SLC25A26: variants seen among roughly 807,000 people sequenced by gnomAD.
SLC25A26 encodes mitochondrial S-adenosylmethionine carrier protein.
A neutral mutation model predicts 37.8 loss-of-function variants in SLC25A26; 36 were observed. The ratio of observed to expected loss-of-function variants is 0.95; its 90% confidence interval spans 0.73 to 1.26. The LOEUF is 1.26. SLC25A26 is among the 50% of genes most tolerant of loss of function. SLC25A26 has a pLI of 0.00. For missense variants in SLC25A26, 390 were observed against 331.1 expected, an observed-to-expected ratio of 1.18 and a Z score of -1.38; for synonymous variants, 129 against 122.5, an observed-to-expected ratio of 1.05 and a Z score of -0.35.
intron 5 of SLC25A26, among the ~76,000 whole-genome samples, chr3:66,337,882 A>G (rs191826407): frequency 1.6e-3 from 248 of 152,110 alleles, no homozygotes; most frequent in Non-Finnish European, 2.6e-3. Context: ...CTTGACTACT[A>G]TTATATTTTT....
intron 1 of SLC25A26, among the ~76,000 whole-genome samples, chr3:66,136,364 A>G (rs2069947063): frequency 6.6e-6 from 1 of 152,240 alleles, no homozygotes; most frequent in Admixed American, 6.5e-5. Flanking sequence ...CCTAAGATAC[A>G]CAAATGGCCA....
intron 1 of SLC25A26, among the ~76,000 whole-genome samples, chr3:66,179,398 A>T (rs1259889544): frequency 6.6e-6 from 1 of 152,210 alleles, no homozygotes; most frequent in Admixed American, 6.5e-5. Context: ...CTTGTTGACT[A>T]TGGCAACATT....
intron 4 of SLC25A26, among the ~76,000 whole-genome samples, chr3:66,262,638 T>C (rs560223316): frequency 6.6e-6 from 1 of 152,356 alleles, no homozygotes; most frequent in Non-Finnish European, 1.5e-5. Context: ...TGCTTTCCTT[T>C]ATAGTTTTTA....
At chr3:66,172,280 A>G (rs2070510231) in intron 1 of SLC25A26, among the ~76,000 whole-genome samples, 1 of 151,950 alleles carries the variant, frequency 6.6e-6, no homozygotes, top group Non-Finnish European at 1.5e-5. Context: ...GTATGGTGTC[A>G]TGCACCTGAA....
At chr3:66,142,303 T>C (rs939828234) in intron 1 of SLC25A26, among the ~76,000 whole-genome samples, 2 of 152,256 alleles carry the variant, frequency 1.3e-5, no homozygotes, top group Admixed American at 1.3e-4. Context: ...GGCCATCGCA[T>C]GTATCAGTAT....
At chr3:66,312,349 C>T (rs1054941416) in intron 5 of SLC25A26, among the ~76,000 whole-genome samples, 1 of 152,268 alleles carries the variant, frequency 6.6e-6, no homozygotes, top group Admixed American at 6.5e-5. Flanking sequence ...AACCCAATCA[C>T]CCCAGGTCGA....
intron 1 of SLC25A26, among the ~76,000 whole-genome samples, chr3:66,146,576 A>G (rs2070117913): frequency 6.6e-6 from 1 of 152,186 alleles, no homozygotes; most frequent in Non-Finnish European, 1.5e-5. Flanking sequence ...TAAGCAAAGC[A>G]TTAGTTTTCT....
chr3:66,194,248 G>A (rs2071000554), intron 1 of SLC25A26, among the ~76,000 whole-genome samples: 1 of 152,188 alleles, frequency 6.6e-6, no homozygotes, highest in South Asian at 2.1e-4. Context: ...TGCTCATTGT[G>A]TATTTATTCT....
chr3:66,209,105 T>TAC (rs2071234117), intron 1 of SLC25A26, among the ~76,000 whole-genome samples: 1 of 115,732 alleles, frequency 8.6e-6, no homozygotes, highest in Non-Finnish European at 1.7e-5. Context: ...TATATATATA[T>TAC]ATATATATAC....
intron 3 of SLC25A26, among the ~76,000 whole-genome samples, chr3:66,250,861 C>G (rs2073057302): frequency 6.6e-6 from 1 of 152,082 alleles, no homozygotes; most frequent in South Asian, 2.1e-4. Context: ...TTTAAGGTAT[C>G]AACACAATGT....
At chr3:66,242,236 C>G (rs1261279141) in intron 2 of SLC25A26, among the ~76,000 whole-genome samples, 4 of 152,086 alleles carry the variant, frequency 2.6e-5, no homozygotes, top group African/African-American at 9.7e-5. Context: ...AACTTAACAG[C>G]TGAATGCAAT....
At position 66,172,410 on chromosome 3, in the gene SLC25A26, G is replaced by GAAAAAAAAAAAAAAAAAA. The variant is rs1199322248; in HGVS notation, c.-354+38429_-354+38446dup. Among the ~76,000 whole-genome samples, 46 of 75,200 alleles carry GAAAAAAAAAAAAAAAAAA rather than the reference G, an allele frequency of 6.1e-4. 2 individuals are homozygous for GAAAAAAAAAAAAAAAAAA. The highest frequency in any genetic ancestry group is 1.8e-3 in the African/African-American group (37 of 20,198). 49.3% of individuals were successfully genotyped at this position (75,200 alleles called of 152,430 possible). A position where few individuals can be genotyped will look rare whatever the true frequency, so the allele number is the denominator to read the frequency against. The stretch of plus-strand genomic sequence containing the variant: ...TGGGCCAGAGAGTGATACCTGTAAA[G>GAAAAAAAAAAAAAAAAAA]AAAAAAAAAAAAAAAAAAAAGGAAA... On this transcript the variant is annotated intron_variant, in intron 1 of 10. Coordinates refer to the SLC25A26 transcript ENST00000676754.
chr3:66,211,424 C>T (rs1011664661), intron 1 of SLC25A26, among the ~76,000 whole-genome samples: 6 of 152,146 alleles, frequency 3.9e-5, no homozygotes, highest in Non-Finnish European at 5.9e-5. Context: ...GTGAGGGAGC[C>T]GGTGAATGGA....
chr3:66,220,804 T>G, upstream of SLC25A26: 1 of 510,130 alleles, frequency 2.0e-6, no homozygotes, highest in Non-Finnish European at 3.5e-6. Context: ...ACGGATCTTT[T>G]GCTCGCGAAA....
intron 2 of SLC25A26, among the ~76,000 whole-genome samples, chr3:66,238,559 T>C (rs993319463): frequency 1.3e-5 from 2 of 152,000 alleles, no homozygotes; most frequent in African/African-American, 2.4e-5. Context: ...ATTTTTTTAT[T>C]TTTAGTAGAG....
At chr3:66,341,275 T>G (rs2076203561) in intron 5 of SLC25A26, among the ~76,000 whole-genome samples, 1 of 152,144 alleles carries the variant, frequency 6.6e-6, no homozygotes, top group African/African-American at 2.4e-5. Context: ...TTGATGAGCA[T>G]TTTTATCATA....
At chr3:66,364,623 T>C (rs2076785994) in intron 7 of SLC25A26, among the ~76,000 whole-genome samples, 1 of 152,144 alleles carries the variant, frequency 6.6e-6, no homozygotes, top group Non-Finnish European at 1.5e-5. Context: ...CTTCAGGGCT[T>C]GAGATAATGT....
At chr3:66,228,623 A>G (rs530654115) in intron 1 of SLC25A26, among the ~76,000 whole-genome samples, 6 of 152,304 alleles carry the variant, frequency 3.9e-5, no homozygotes, top group African/African-American at 1.4e-4. Flanking sequence ...ACCTTCAGGG[A>G]TTTAGAGTCT....
intron 5 of SLC25A26, among the ~76,000 whole-genome samples, chr3:66,332,476 C>CTT (rs759014858): frequency 6.6e-6 from 1 of 151,436 alleles, no homozygotes; most frequent in East Asian, 1.9e-4. Flanking sequence ...AACTAAAGCA[C>CTT]TTTTTTTTTG....
Sources: allele counts gnomAD v4.1 joint callset (sites outside exome capture counted in the v4.1 genomes callset), GRCh38; gene constraint gnomAD v4.1.1; transcripts MANE v1.5; gene names NCBI Gene and HGNC (gene_info 2026-07-23, HGNC 2026-07-21).